The following MCF2L variants were observed in gnomAD, a reference collection of about 807,000 sequenced individuals.
The protein encoded by MCF2L is guanine nucleotide exchange factor DBS.
In MCF2L, 97 loss-of-function variants were observed where a neutral mutation model predicts 153.4. That is an observed-to-expected ratio of 0.63 (90% CI 0.54 to 0.75). The LOEUF (loss-of-function observed/expected upper bound fraction) is 0.75, where lower values mean the gene tolerates loss of function less well. Among genes scored for constraint, MCF2L ranks in the 30% least tolerant of loss-of-function variants. The pLI, the probability that MCF2L is intolerant of heterozygous loss-of-function variation, is 0.00. For synonymous variants in MCF2L, 659 were observed against 632.2 expected (o/e 1.04, Z -0.64); for missense variants, 1,347 against 1,495.2 (o/e 0.90, Z 1.64).
chr13:113,080,717 C>T (rs491247), intron 15 of MCF2L, among the ~76,000 whole-genome samples: 50,360 of 152,094 alleles, frequency 0.33, 8,738 homozygotes, highest in South Asian at 0.42. Context: ...GGGGCAGCTC[C>T]GGCGATGCCA....
chr13:112,931,945 T>C (rs551103792), intron 2 of MCF2L, among the ~76,000 whole-genome samples: 1 of 152,248 alleles, frequency 6.6e-6, no homozygotes, highest in Non-Finnish European at 1.5e-5. Flanking sequence ...GGGTCCACAC[T>C]GACGTAAATG....
intron 2 of MCF2L, among the ~76,000 whole-genome samples, chr13:112,919,661 G>A (rs908184684): frequency 6.6e-6 from 1 of 152,114 alleles, no homozygotes; most frequent in Admixed American, 6.5e-5. Flanking sequence ...TTAAGTGGGT[G>A]TTTTTCCCAA....
intron 1 of MCF2L, among the ~76,000 whole-genome samples, chr13:112,992,896 T>C (rs1031533615): frequency 1.3e-5 from 2 of 152,224 alleles, no homozygotes; most frequent in African/African-American, 2.4e-5. Flanking sequence ...AAAACATTTC[T>C]CTGCAATGTG....
rs2142035714 is a variant in MCF2L, at chr13:113,086,145, A to T, written c.2269A>T (p.Asn757Tyr). The T allele has an allele frequency of 6.2e-7, 1 of 1,609,018 alleles. No individual in the cohort carries two copies. The highest frequency in any genetic ancestry group is 2.3e-5 in the East Asian group (1 of 44,244). The change falls in exon 21 of 30, where the codon AAC becomes TAC. Residue 757 changes from asparagine to tyrosine, a missense_variant. Around this residue, in one of 3 missense-constraint regions of MCF2L, gnomAD observed 144 missense variants for 238.7 expected, o/e 0.60. Coordinates refer to ENST00000535094, the MANE Select transcript of MCF2L (RefSeq NM_001112732.3). ...TCAGGAAATGCTGAAATACAGCAGG[A>T]ACTGCGAGGGGGCTGAGGACCTGCA... The part of the protein sequence containing the change: ...LLKEMLKYSR[N>Y]CEGAEDLQEA...
chr13:113,046,722 C>T lies in MCF2L; in HGVS notation c.369+1361C>T, dbSNP rs2086840209. The T allele has an allele frequency of 2.0e-6, 1 of 499,664 alleles. No individual in the cohort carries two copies. The highest frequency in any genetic ancestry group is 2.0e-5 in the African/African-American group (1 of 50,608). The allele number at this position is 499,664 out of a possible 1,614,324, so 31.0% of individuals were successfully genotyped here. A position where few individuals can be genotyped will look rare whatever the true frequency, so the allele number is the denominator to read the frequency against. ...GGCATCTCCTTGCACCCCCACGGCA[C>T]CTCTCTGCCCCTCGCCGCGGCGGAT... is the stretch of plus-strand genomic sequence containing the variant. On this transcript the variant is annotated intron_variant, in intron 4 of 29. Transcript: ENST00000535094. The surrounding 1 kb of genome is among the most constrained non-coding windows in gnomAD (Gnocchi z 4.4).
intron 3 of MCF2L, among the ~76,000 whole-genome samples, chr13:113,025,480 C>A (rs1399841648): frequency 1.9e-5 from 1 of 53,154 alleles, no homozygotes; most frequent in Non-Finnish European, 3.6e-5. Flanking sequence ...ATGGTGGGGT[C>A]CCCGTGACTG....
chr13:113,065,932 T>G (rs1447167114), intron 7 of MCF2L, 114 bp from the exon 8 acceptor site: 2 of 1,148,250 alleles, frequency 1.7e-6, no homozygotes, highest in Non-Finnish European at 2.4e-6. Flanking sequence ...GGTCGGGGAT[T>G]GACCCCTTCC....
At chr13:113,049,744 G>A (rs1378733561) in intron 4 of MCF2L, among the ~76,000 whole-genome samples, 1 of 152,220 alleles carries the variant, frequency 6.6e-6, no homozygotes, top group African/African-American at 2.4e-5. Context: ...GCCTCCAAGC[G>A]CTCGGCCACC....
Position 113,074,549 on chromosome 13 carries a change from G to A in MCF2L, c.1102G>A (p.Glu368Lys), listed in dbSNP as rs758359071. ...CCTGCTGAGGGACCTGGCCAGCTTC[G>A]AGGAGAAATCAGGCGTAAGGCGGGG... ...EHLLRDLASFEEKSGVAVERA... is the reference protein window; with the variant it reads ...EHLLRDLASFKEKSGVAVERA... The change falls in exon 10 of 30, where the codon GAG (glutamate) becomes AAG (lysine). Residue 368 changes from glutamate (E) to lysine (K), a missense_variant. By Grantham distance (56) the Glu-to-Lys change is moderately conservative (BLOSUM62 1). Coordinates refer to ENST00000535094, the MANE Select transcript of MCF2L (RefSeq NM_001112732.3). This position sits in a 1 kb window ranked among gnomAD's most constrained non-coding sequence, Gnocchi z 4.2. 6.2e-6 allele frequency: 10 copies of A among 1,613,916 alleles called. No individual in the cohort carries two copies. Among genetic ancestry groups the A allele is most frequent in the South Asian group, 2.2e-5 (2 of 91,082 alleles).
At chr13:112,981,236 A>C (rs540559895) in intron 1 of MCF2L, among the ~76,000 whole-genome samples, 10 of 152,270 alleles carry the variant, frequency 6.6e-5, no homozygotes, top group Admixed American at 1.3e-4. Flanking sequence ...CTCACTGTAC[A>C]TAAGGACCCC....
chr13:113,045,387 T>G lies in MCF2L; in HGVS notation c.369+26T>G. On this transcript the variant is annotated intron_variant, in intron 4 of 29. Coordinates refer to ENST00000535094, the MANE Select transcript of MCF2L (RefSeq NM_001112732.3). The surrounding 1 kb of genome is among the most constrained non-coding windows in gnomAD (Gnocchi z 4.2). ...GTAAGTGCCACCCGGGGCTCTGCCC[T>G]GCGCCCGGCCCCTCCCTGGGCTGCA... 2 of 1,592,756 alleles carry G rather than the reference T, an allele frequency of 1.3e-6. No individual in the cohort carries two copies. The highest frequency in any genetic ancestry group is 1.7e-6 in the Non-Finnish European group (2 of 1,161,078).
At chr13:112,956,172 G>A (rs772083422) in intron 2 of MCF2L, 10 of 155,396 alleles carry the variant, frequency 6.4e-5, no homozygotes, top group African/African-American at 7.2e-5. Context: ...GGTCTGTGCC[G>A]CAAAGCCTGG....
chr13:113,087,140 TG>T, intron 21 of MCF2L, 94 bp from the exon 22 acceptor site: 1 of 1,073,714 alleles, frequency 9.3e-7, no homozygotes, highest in Non-Finnish European at 1.3e-6. Flanking sequence ...CCACCGTGGG[TG>T]GGCTTTGCAG....
intron 3 of MCF2L, among the ~76,000 whole-genome samples, chr13:113,039,369 T>C (rs1473784331): frequency 1.3e-5 from 2 of 152,108 alleles, no homozygotes; most frequent in Non-Finnish European, 2.9e-5. Flanking sequence ...TCGACAAACA[T>C]AGGAAAATGC....
At chr13:112,895,381 C>T (rs1301130003) in intron 1 of MCF2L, among the ~76,000 whole-genome samples, 1 of 152,090 alleles carries the variant, frequency 6.6e-6, no homozygotes, top group African/African-American at 2.4e-5. Context: ...CCACGGGGAC[C>T]GACACGGCTG....
chr13:113,005,697 T>C (rs1032246660), intron 1 of MCF2L, among the ~76,000 whole-genome samples: 3 of 152,176 alleles, frequency 2.0e-5, no homozygotes, highest in African/African-American at 7.2e-5. Context: ...GCTGTATTTG[T>C]ACCTGAGGTT....
chr13:112,971,536 C>A (rs753842772), intron 1 of MCF2L, among the ~76,000 whole-genome samples: 6 of 152,158 alleles, frequency 3.9e-5, no homozygotes, highest in Non-Finnish European at 8.8e-5. Context: ...TGTAGATTCA[C>A]CCCCAACCCA....
chr13:113,008,292 T>C (rs1215259870), intron 1 of MCF2L, among the ~76,000 whole-genome samples: 2 of 152,208 alleles, frequency 1.3e-5, no homozygotes, highest in East Asian at 1.9e-4. Context: ...AATGAATGTA[T>C]AATTAAGTTA....
rs148032029 is a variant in MCF2L, at chr13:113,036,234, C to T, written c.279-9037C>T. Among the ~76,000 whole-genome samples, 370 of 152,306 alleles carry T rather than the reference C, an allele frequency of 2.4e-3. 2 individuals carry two copies. The highest frequency in any genetic ancestry group is 8.4e-3 in the African/African-American group (348 of 41,564). The stretch of plus-strand genomic sequence containing the variant: ...GAGGAGTCTTTGGAAATGAGAATGA[C>T]GCCACCATTCTCTTTTAATTGTGTC... On this transcript the variant is annotated intron_variant, in intron 3 of 29. Coordinates refer to ENST00000535094, the MANE Select transcript of MCF2L (RefSeq NM_001112732.3).
Sources: gnomAD v4.1 joint callset for allele counts (sites outside exome capture counted in the v4.1 genomes callset) on GRCh38, gnomAD v4.1.1 for gene constraint, gnomAD v4.1.1 regional missense constraint, Gnocchi (gnomAD v3.1) non-coding constraint, MANE v1.5 for transcripts, NCBI Gene and HGNC (gene_info 2026-07-23, HGNC 2026-07-21) for gene names.